SPHK2: variants seen among roughly 807,000 people sequenced by gnomAD.
SPHK2 encodes the protein sphingosine kinase 2.
SPHK2 carries 18 observed loss-of-function variants against 32.3 expected under a neutral mutation model. The ratio of observed to expected loss-of-function variants is 0.56; its 90% CI spans 0.39 to 0.83. SPHK2 has a LOEUF of 0.83. Among genes scored for constraint, SPHK2 ranks in the 40% least tolerant of loss-of-function variants. The probability of loss-of-function intolerance (pLI) is 0.00; values close to 1 mark genes in which losing one functional copy is unlikely to be tolerated. For synonymous variants in SPHK2, 462 were observed against 417.6 expected (o/e 1.11, Z -1.30); for missense variants, 850 against 908.7 (o/e 0.94, Z 0.83).
In SPHK2 at chr19:48,630,029, CTTACGGGGCAGGG is replaced by C. The variant is rs757541407; in HGVS notation, c.*257_*269del. ...GCCTGGCGTCTGATCTGGGGCCGCC[CTTACGGGGCAGGG>C]CTCAGTCCTGACGCTTGCCACCTGC... On this transcript the variant is annotated 3_prime_UTR_variant, in exon 7 of 7. Transcript: ENST00000245222. This position sits in a 1 kb window ranked among gnomAD's most constrained non-coding sequence, Gnocchi z 4.9. 4.8e-4 allele frequency: 647 copies of C among 1,345,594 alleles called. 2 individuals are homozygous for C. The highest frequency in any genetic ancestry group is 2.1e-3 in the South Asian group (98 of 46,714). The allele number at this position is 1,345,594 out of a possible 1,614,324, so 83.4% of individuals were successfully genotyped here. A position where few individuals can be genotyped will look rare whatever the true frequency, so the allele number is the denominator to read the frequency against.
intron 3 of SPHK2, chr19:48,626,631 A>G (rs1850713576): frequency 2.6e-6 from 1 of 389,654 alleles, no homozygotes; most frequent in Non-Finnish European, 4.6e-6. Context: ...CCTGGCTAAC[A>G]TGGTGAAACC....
chr19:48,628,207 A>G lies in SPHK2; in HGVS notation c.802A>G (p.Lys268Glu). The change falls in exon 6 of 7, where the codon AAG (lysine) becomes GAG (glutamate). Residue 268 changes from lysine to glutamate, a missense_variant. Lys to Glu is a moderately conservative substitution (Grantham distance 56). Transcript: ENST00000245222. This position sits in a 1 kb window ranked among gnomAD's most constrained non-coding sequence, Gnocchi z 5.2. The part of the protein sequence containing the change: ...LDRPDWEEAV[K>E]MPVGILPCGS... ...TCGCCCTGACTGGGAGGAAGCTGTG[A>G]AGATGCCTGTGGGCATCCTCCCCTG... 1 of 1,613,792 alleles carries G rather than the reference A, an allele frequency of 6.2e-7. No individual in the cohort carries two copies. Among genetic ancestry groups the G allele is most frequent in the Non-Finnish European group, 8.5e-7 (1 of 1,179,940 alleles).
chr19:48,624,536 G>A (rs898773722), intron 2 of SPHK2: 7 of 152,588 alleles, frequency 4.6e-5, no homozygotes, highest in African/African-American at 1.7e-4. Context: ...GTGGGAGATG[G>A]AAATGGAAAA....
rs779393636 is a variant in SPHK2 at position 48,628,148 on chromosome 19, C to G, written c.757-14C>G. The G allele has an allele frequency of 4.4e-6, 7 of 1,608,590 alleles. No individual in the cohort carries two copies. The South Asian group carries it at 4.4e-5, about 10-fold the overall frequency. On this transcript the variant is annotated splice_polypyrimidine_tract_variant and intron_variant, in intron 5 of 6. Coordinates refer to ENST00000245222, the MANE Select transcript of SPHK2 (RefSeq NM_020126.5). This position sits in a 1 kb window ranked among gnomAD's most constrained non-coding sequence, Gnocchi z 5.2. Reference sequence around the variant, plus strand: ...TGCCACCAGGACCCAGGCTTCTGGTCTCCCACCCTCCAGGTGCTGAACGGG... The same window carrying G: ...TGCCACCAGGACCCAGGCTTCTGGTGTCCCACCCTCCAGGTGCTGAACGGG...
intron 2 of SPHK2, chr19:48,624,879 T>TG: frequency 3.3e-5 from 28 of 846,862 alleles, no homozygotes; most frequent in Non-Finnish European, 3.7e-5. Context: ...CGGTGGGGGG[T>TG]GGGGGGCTGT....
rs757124553 is a variant in SPHK2, at chr19:48,628,438, G to A, written c.872+161G>A. The A allele has an allele frequency of 1.1e-6, 1 of 913,942 alleles. No homozygotes were observed. Among genetic ancestry groups the A allele is most frequent in the South Asian group, 1.3e-5 (1 of 76,712 alleles). 56.6% of individuals were successfully genotyped at this position (913,942 alleles called of 1,614,324 possible). ...GACATTTTTGCCTGCCTGCTTCCCA[G>A]CTGTATCCCGAGCGCCCAGAACTCT... is the stretch of plus-strand genomic sequence containing the variant. On this transcript the variant is annotated intron_variant, in intron 6 of 6. Coordinates refer to ENST00000245222, the MANE Select transcript of SPHK2 (RefSeq NM_020126.5). This position sits in a 1 kb window ranked among gnomAD's most constrained non-coding sequence, Gnocchi z 5.2.
intron 2 of SPHK2, among the ~76,000 whole-genome samples, chr19:48,621,380 A>AT (rs1974399558): frequency 6.6e-6 from 1 of 151,864 alleles, no homozygotes; most frequent in Admixed American, 6.6e-5. Flanking sequence ...CACCCGGCCA[A>AT]TTTTTTTATT....
chr19:48,625,908 G>T lies in SPHK2; in HGVS notation c.57G>T (p.Leu19=). 1.2e-6 allele frequency: 2 copies of T among 1,612,012 alleles called. No individual in the cohort carries two copies. The highest frequency in any genetic ancestry group is 2.2e-5 in the South Asian group (2 of 90,950). The change falls in exon 3 of 7, where the codon CTG becomes CTT. Residue 19 remains leucine, a synonymous_variant. Coordinates refer to ENST00000245222, the MANE Select transcript of SPHK2 (RefSeq NM_020126.5). The stretch of plus-strand genomic sequence containing the variant: ...TCCCACAGAGGCCAGACCAGGAGCT[G>T]ACCGGGAGCTGGGGCCACGGGCCTA... ...EQQDQRPDQE[L]TGSWGHGPRS...
chr19:48,626,384 C>T (rs757295531), intron 3 of SPHK2, 22 bp downstream of exon 3: 3 of 1,545,534 alleles, frequency 1.9e-6, no homozygotes, highest in Non-Finnish European at 2.6e-6. Flanking sequence ...GGCAGCTGCT[C>T]TATCCTGGAG....
rs976390759 is a variant in SPHK2 at position 48,625,470 on chromosome 19, C to A, written c.40-421C>A. 2.5e-6 allele frequency: 3 copies of A among 1,209,458 alleles called. No homozygotes were observed. In the African/African-American group the frequency reaches 4.7e-5, roughly 19 times the overall value. 74.9% of individuals were successfully genotyped at this position (1,209,458 alleles called of 1,614,324 possible). A position where few individuals can be genotyped will look rare whatever the true frequency, so the allele number is the denominator to read the frequency against. ...GTTTCTGCATATCCAATCCCACTAT[C>A]CATTCCCCTTCCTGTGCCTTCTTTT... On this transcript the variant is annotated intron_variant, in intron 2 of 6. Coordinates refer to ENST00000245222, the MANE Select transcript of SPHK2 (RefSeq NM_020126.5).
chr19:48,621,263 G>C (rs1974395744), intron 2 of SPHK2, among the ~76,000 whole-genome samples: 1 of 152,166 alleles, frequency 6.6e-6, no homozygotes, highest in Non-Finnish European at 1.5e-5. Flanking sequence ...ATTTTTCATA[G>C]AGATGAGGTT....
At chr19:48,625,650 A>T in intron 2 of SPHK2, 1 of 1,529,702 alleles carries the variant, frequency 6.5e-7, no homozygotes, top group South Asian at 1.2e-5. Flanking sequence ...GGTACTGAAT[A>T]CTTACTGGGG....
In SPHK2 at chr19:48,628,272, C is replaced by T. The variant is rs142182513; in HGVS notation, c.867C>T (p.His289=). The T allele has an allele frequency of 1.1e-4, 177 of 1,612,962 alleles. 1 individual carries two copies. The highest frequency in any genetic ancestry group is 9.5e-5 in the Non-Finnish European group (112 of 1,179,750). Residue 289 remains histidine (H), a synonymous_variant, in exon 6 of 7, where the codon CAC becomes CAT. Transcript: ENST00000245222. This position sits in a 1 kb window ranked among gnomAD's most constrained non-coding sequence, Gnocchi z 5.2. ...CGCTGGCCGGAGCAGTGAACCAGCA[C>T]GGGGGGTAGGTTGAGGATACCACGA... is the stretch of plus-strand genomic sequence containing the variant. ...GNALAGAVNQ[H]GGFEPALGLD...
Position 48,628,653 on chromosome 19 carries a change from G to C in SPHK2, c.873-28G>C. 1 of 1,601,972 alleles carries C rather than the reference G, an allele frequency of 6.2e-7. No individual in the cohort carries two copies. Among genetic ancestry groups the C allele is most frequent in the Non-Finnish European group, 8.5e-7 (1 of 1,176,490 alleles). ...CAACCCCTGTTTGCTCCTTCCTTCT[G>C]TGTGTCCGTCCATCTCCGGCTGTGA... is the stretch of plus-strand genomic sequence containing the variant. On this transcript the variant is annotated intron_variant, in intron 6 of 6. Transcript: ENST00000245222. This position sits in a 1 kb window ranked among gnomAD's most constrained non-coding sequence, Gnocchi z 5.2.
At chr19:48,626,526 A>T in intron 3 of SPHK2, 164 bp downstream of exon 3, 2 of 943,466 alleles carry the variant, frequency 2.1e-6, no homozygotes, top group South Asian at 2.0e-5. Flanking sequence ...GAACAAAAAG[A>T]CAAGAGGACC....
rs142446815 is a variant in SPHK2 at position 48,620,076 on chromosome 19, C to T, written c.-113-326C>T. Among the ~76,000 whole-genome samples the T allele has an allele frequency of 1.8e-3, 271 of 152,248 alleles. 1 individual carries two copies. Among genetic ancestry groups the T allele is most frequent in the African/African-American group, 6.2e-3 (258 of 41,536 alleles). ...GGAAAATCACTTAACTTCTTTGGGCCTTACTCTCCTTATGGACAAAAAGGG... is the reference window on the plus strand; with the variant it reads ...GGAAAATCACTTAACTTCTTTGGGCTTTACTCTCCTTATGGACAAAAAGGG... On this transcript the variant is annotated intron_variant, in intron 1 of 6. Coordinates refer to ENST00000245222, the MANE Select transcript of SPHK2 (RefSeq NM_020126.5).
At chr19:48,625,207 A>C in intron 2 of SPHK2, 1 of 1,027,230 alleles carries the variant, frequency 9.7e-7, no homozygotes, top group Non-Finnish European at 1.2e-6. Flanking sequence ...TACCCCTCCT[A>C]TTTGCTCTCC....
At chr19:48,625,496 C>T in intron 2 of SPHK2, 1 of 1,221,286 alleles carries the variant, frequency 8.2e-7, no homozygotes, top group Non-Finnish European at 1.0e-6. Flanking sequence ...GCCTTCTTTT[C>T]CCCCAAAGCC....
rs547590496 is a variant in SPHK2 at position 48,629,281 on chromosome 19, C to G, written c.1473C>G (p.Pro491=). The G allele has an allele frequency of 1.2e-6, 2 of 1,613,632 alleles. No homozygotes were observed. The highest frequency in any genetic ancestry group is 1.7e-6 in the Non-Finnish European group (2 of 1,179,984). ...ALHSPVSEGA[P]VIPPSSGLPL... The stretch of plus-strand genomic sequence containing the variant: ...ACTCACCCGTCTCCGAAGGGGCCCC[C>G]GTAATTCCCCCATCCTCTGGGCTCC... The change falls in exon 7 of 7, where the codon CCC becomes CCG. Residue 491 remains proline (P), a synonymous_variant. Coordinates refer to ENST00000245222, the MANE Select transcript of SPHK2 (RefSeq NM_020126.5).
Sources: allele counts gnomAD v4.1 joint callset (sites outside exome capture counted in the v4.1 genomes callset), GRCh38; gene constraint gnomAD v4.1.1; non-coding constraint Gnocchi (gnomAD v3.1); transcripts MANE v1.5; gene names NCBI Gene and HGNC (gene_info 2026-07-23, HGNC 2026-07-21).